Variants in WWOX observed in about 807,000 individuals in gnomAD.
WWOX encodes the protein WW domain containing oxidoreductase.
In WWOX, 69 loss-of-function variants were observed where a neutral mutation model predicts 46.2. The observed-to-expected ratio is 1.49, with a 90% CI of 1.23 to 1.82. The LOEUF is 1.82. WWOX is among the 40% of genes most tolerant of loss of function. The pLI, the probability that WWOX is intolerant of heterozygous loss-of-function variation, is 0.00. For missense variants in WWOX, 919 were observed against 542.6 expected, an observed-to-expected ratio of 1.69 and a Z score of -6.89; for synonymous variants, 359 against 202.6, an observed-to-expected ratio of 1.77 and a Z score of -6.56.
intron 8 of WWOX, among the ~76,000 whole-genome samples, chr16:78,588,864 G>T (rs2045284614): frequency 6.6e-6 from 1 of 152,184 alleles, no homozygotes; most frequent in Non-Finnish European, 1.5e-5. Flanking sequence ...TGGTGATGGG[G>T]TGGTAGTGAT....
chr16:78,890,883 C>A (rs753925435), intron 8 of WWOX: 3 of 152,172 alleles, frequency 2.0e-5, no homozygotes, highest in Non-Finnish European at 2.9e-5. Flanking sequence ...TAGGTACATT[C>A]CTGCACCACT....
chr16:78,848,492 G>T (rs1371993191), intron 8 of WWOX, among the ~76,000 whole-genome samples: 1 of 152,190 alleles, frequency 6.6e-6, no homozygotes, highest in South Asian at 2.1e-4. Context: ...GAGCGACTGG[G>T]CATGAGGTGG....
At chr16:78,196,352 A>C (rs1257265516) in intron 5 of WWOX, among the ~76,000 whole-genome samples, 1 of 152,200 alleles carries the variant, frequency 6.6e-6, no homozygotes, top group African/African-American at 2.4e-5. Flanking sequence ...TTTTCATTCT[A>C]ATTCCCTGAA....
At chr16:78,805,649 A>G (rs547048094) in intron 8 of WWOX, among the ~76,000 whole-genome samples, 2 of 152,276 alleles carry the variant, frequency 1.3e-5, no homozygotes, top group South Asian at 4.1e-4. Flanking sequence ...GGATTTTTAG[A>G]TTAATCACTG....
intron 8 of WWOX, among the ~76,000 whole-genome samples, chr16:78,514,928 T>A (rs1218107465): frequency 4.6e-5 from 7 of 152,110 alleles, no homozygotes; most frequent in Non-Finnish European, 1.0e-4. Flanking sequence ...GGTCTGTGTT[T>A]TGAGAATCAC....
intron 5 of WWOX, among the ~76,000 whole-genome samples, chr16:78,367,462 T>C (rs1046451778): frequency 1.3e-5 from 2 of 152,146 alleles, no homozygotes; most frequent in African/African-American, 4.8e-5. Context: ...TATTAATATT[T>C]TATGCACAGC....
intron 4 of WWOX, among the ~76,000 whole-genome samples, chr16:78,136,284 T>C (rs1567591857): frequency 6.6e-6 from 1 of 152,344 alleles, no homozygotes; most frequent in East Asian, 1.9e-4. Flanking sequence ...TAAAAAATTA[T>C]TGTGATACAG....
chr16:78,550,462 T>G (rs551488002), intron 8 of WWOX, among the ~76,000 whole-genome samples: 24 of 152,360 alleles, frequency 1.6e-4, no homozygotes, highest in Non-Finnish European at 2.9e-5. Context: ...TGGATTTAGC[T>G]TGTGGGTTGT....
intron 6 of WWOX, among the ~76,000 whole-genome samples, chr16:78,414,253 C>G (rs1284993162): frequency 6.6e-6 from 1 of 152,184 alleles, no homozygotes; most frequent in African/African-American, 2.4e-5. Flanking sequence ...CAAACTCCGT[C>G]TGCCTGCACT....
intron 5 of WWOX, among the ~76,000 whole-genome samples, chr16:78,340,551 C>A (rs2080994294): frequency 8.3e-6 from 1 of 120,154 alleles, no homozygotes; most frequent in Non-Finnish European, 2.0e-5. Context: ...CTGTGGATGT[C>A]TGTTTCTATC....
chr16:78,108,370 T>C, intron 1 of WWOX, 53 bp from the exon 2 acceptor site: 1 of 1,568,128 alleles, frequency 6.4e-7, no homozygotes. Context: ...ATTGATTACT[T>C]TTTAGAAGAG....
chr16:79,074,678 T>C (rs937030904), intron 8 of WWOX, among the ~76,000 whole-genome samples: 1 of 151,984 alleles, frequency 6.6e-6, no homozygotes, highest in Non-Finnish European at 1.5e-5. Flanking sequence ...ATCTGAGATA[T>C]AGTAAGTTGA....
chr16:78,955,527 G>T (rs17635867), intron 8 of WWOX, among the ~76,000 whole-genome samples: 46,350 of 152,112 alleles, frequency 0.3, 8,142 homozygotes, highest in Non-Finnish European at 0.38. Flanking sequence ...ACACCAGGCT[G>T]CAGGGATAAT....
intron 5 of WWOX, among the ~76,000 whole-genome samples, chr16:78,199,850 G>A (rs111327247): frequency 6.6e-6 from 1 of 152,102 alleles, no homozygotes; most frequent in Non-Finnish European, 1.5e-5. Flanking sequence ...AGATTTCACT[G>A]TCAATGAGTC....
intron 8 of WWOX, among the ~76,000 whole-genome samples, chr16:78,953,770 G>C (rs2046110441): frequency 6.6e-6 from 1 of 152,220 alleles, no homozygotes; most frequent in African/African-American, 2.4e-5. Flanking sequence ...AGTCGAGCCA[G>C]ACGTTCTGTC....
chr16:78,938,681 C>T (rs2045791757), intron 8 of WWOX, among the ~76,000 whole-genome samples: 1 of 152,034 alleles, frequency 6.6e-6, no homozygotes, highest in Non-Finnish European at 1.5e-5. Flanking sequence ...GGGGAGATAG[C>T]AATGAAGGCA....
intron 5 of WWOX, among the ~76,000 whole-genome samples, chr16:78,248,234 T>A (rs1290972114): frequency 6.6e-6 from 1 of 152,034 alleles, no homozygotes; most frequent in Non-Finnish European, 1.5e-5. Flanking sequence ...ACAATCATGG[T>A]GGAAGGCAAA....
chr16:78,247,073 GT>G (rs1358707714), intron 5 of WWOX, among the ~76,000 whole-genome samples: 1 of 152,072 alleles, frequency 6.6e-6, no homozygotes, highest in Non-Finnish European at 1.5e-5. Context: ...TGTCAGTTAT[GT>G]TTACGTGTTT....
chr16:78,553,104 CA>C (rs1374147998), intron 8 of WWOX: 1 of 152,082 alleles, frequency 6.6e-6, no homozygotes, highest in African/African-American at 2.4e-5. Flanking sequence ...GGGAGGGAAA[CA>C]ACACACACTG....
Sources: allele counts gnomAD v4.1 joint callset (sites outside exome capture counted in the v4.1 genomes callset), GRCh38; gene constraint gnomAD v4.1.1; transcripts MANE v1.5; gene names NCBI Gene and HGNC (gene_info 2026-07-23, HGNC 2026-07-21).